SLC9A9: variants seen among roughly 807,000 people sequenced by gnomAD.
SLC9A9 encodes sodium/hydrogen exchanger 9.
SLC9A9 carries 62 observed loss-of-function variants against 77.8 expected under a neutral mutation model. The ratio of observed to expected loss-of-function variants is 0.80; its 90% CI spans 0.65 to 0.98. The LOEUF (loss-of-function observed/expected upper bound fraction) is 0.98, where lower values mean the gene tolerates loss of function less well. Ranked by LOEUF, SLC9A9 falls within the 50% of genes least tolerant of loss-of-function variation. The probability of loss-of-function intolerance (pLI) is 0.00; values close to 1 mark genes in which losing one functional copy is unlikely to be tolerated. For missense variants in SLC9A9, 775 were observed against 774.9 expected (o/e 1.00, Z 0.00); for synonymous variants, 320 against 283.5 (o/e 1.13, Z -1.29).
intron 12 of SLC9A9, among the ~76,000 whole-genome samples, chr3:143,452,415 C>A (rs2035022708): frequency 1.4e-5 from 2 of 147,440 alleles, no homozygotes; most frequent in African/African-American, 2.5e-5. Context: ...GGAAAAAAAG[C>A]AAGTCCAGGG....
rs187313007 is a variant in SLC9A9, at chr3:143,525,182, A to G, written c.1089+27180T>C. ...CAAAGGAGGATGAAGTTAATTTAAGAACTAGTTCTTATCTTTTTTAGACTT... is the reference window on the plus strand; with the variant it reads ...CAAAGGAGGATGAAGTTAATTTAAGGACTAGTTCTTATCTTTTTTAGACTT... On this transcript the variant is annotated intron_variant, in intron 9 of 15. Transcript: ENST00000316549. Among the ~76,000 whole-genome samples, 248 of 152,312 alleles carry G rather than the reference A, an allele frequency of 1.6e-3. 1 individual carries two copies. The highest frequency in any genetic ancestry group is 6.2e-3 in the South Asian group (30 of 4,822).
At chr3:143,677,454 G>T (rs1179308683) in intron 5 of SLC9A9, among the ~76,000 whole-genome samples, 3 of 151,978 alleles carry the variant, frequency 2.0e-5, no homozygotes, top group Non-Finnish European at 4.4e-5. Context: ...TAAAAATGTT[G>T]CAGTACACAT....
chr3:143,316,684 T>C (rs147604291), intron 14 of SLC9A9, among the ~76,000 whole-genome samples: 27 of 152,290 alleles, frequency 1.8e-4, no homozygotes, highest in African/African-American at 6.3e-4. Flanking sequence ...TCTGACCTTC[T>C]GACATGGTCC....
In SLC9A9 at chr3:143,728,671, G is replaced by A. The variant is rs116279887; in HGVS notation, c.534-35364C>T. Among the ~76,000 whole-genome samples the A allele has an allele frequency of 7.2e-3, 1,099 of 152,216 alleles. 20 individuals are homozygous for A. Among genetic ancestry groups the A allele is most frequent in the African/African-American group, 0.025 (1,038 of 41,506 alleles). ...AGAGGCCACGAAGGAGACCATTGCC[G>A]TATTCCAAGAGAAGAATGACAGTGT... On this transcript the variant is annotated intron_variant, in intron 4 of 15. Coordinates refer to ENST00000316549, the MANE Select transcript of SLC9A9 (RefSeq NM_173653.4).
intron 1 of SLC9A9, among the ~76,000 whole-genome samples, chr3:143,834,360 T>C (rs1233516235): frequency 6.6e-6 from 1 of 152,144 alleles, no homozygotes; most frequent in Non-Finnish European, 1.5e-5. Context: ...CTACGTGGCT[T>C]AGGGTGCTTG....
intron 9 of SLC9A9, among the ~76,000 whole-genome samples, chr3:143,507,977 C>T (rs1267894518): frequency 6.6e-6 from 1 of 152,192 alleles, no homozygotes; most frequent in African/African-American, 2.4e-5. Context: ...ACCTAATTAT[C>T]TCCCAAAGGC....
chr3:143,401,685 T>C (rs1204800314), intron 12 of SLC9A9, among the ~76,000 whole-genome samples: 8 of 152,168 alleles, frequency 5.3e-5, no homozygotes, highest in Non-Finnish European at 1.5e-5. Flanking sequence ...ACATAGACTG[T>C]TCCTATTCCT....
At chr3:143,474,494 AG>A (rs1380410515) in intron 11 of SLC9A9, among the ~76,000 whole-genome samples, 1 of 152,052 alleles carries the variant, frequency 6.6e-6, no homozygotes, top group Non-Finnish European at 1.5e-5. Context: ...ATAGCACGGC[AG>A]GTGCTGAATG....
At chr3:143,819,107 A>G (rs2009103310) in intron 2 of SLC9A9, among the ~76,000 whole-genome samples, 1 of 152,204 alleles carries the variant, frequency 6.6e-6, no homozygotes. Flanking sequence ...TCACTGAAAT[A>G]TATACATTTT....
At chr3:143,731,732 T>G (rs1004142127) in intron 4 of SLC9A9, among the ~76,000 whole-genome samples, 1 of 152,220 alleles carries the variant, frequency 6.6e-6, no homozygotes, top group African/African-American at 2.4e-5. Context: ...TTTGAATGTC[T>G]AAGGTGCAGT....
At chr3:143,600,570 A>G (rs1331088045) in intron 6 of SLC9A9, among the ~76,000 whole-genome samples, 1 of 152,208 alleles carries the variant, frequency 6.6e-6, no homozygotes, top group African/African-American at 2.4e-5. Context: ...ATTTCTAAAT[A>G]TCAATGATCT....
chr3:143,330,607 G>GA (rs548854627), intron 14 of SLC9A9, among the ~76,000 whole-genome samples: 3 of 152,194 alleles, frequency 2.0e-5, no homozygotes, highest in Non-Finnish European at 4.4e-5. Context: ...ACTGTTTCCT[G>GA]AAAATCATAA....
chr3:143,714,384 T>TA (rs2108798536), intron 4 of SLC9A9, among the ~76,000 whole-genome samples: 1 of 152,314 alleles, frequency 6.6e-6, no homozygotes, highest in African/African-American at 2.4e-5. Context: ...GACACATCCC[T>TA]ACCTCCTCAC....
At chr3:143,333,271 A>T (rs770947048) in intron 14 of SLC9A9, among the ~76,000 whole-genome samples, 7 of 132,474 alleles carry the variant, frequency 5.3e-5, no homozygotes, top group Non-Finnish European at 7.9e-5. Context: ...ATGTTGGCTC[A>T]CTTTAAATAT....
chr3:143,366,551 A>T (rs1189234765), intron 13 of SLC9A9, among the ~76,000 whole-genome samples: 1 of 152,212 alleles, frequency 6.6e-6, no homozygotes, highest in African/African-American at 2.4e-5. Flanking sequence ...GAATTGAGGA[A>T]ATTGGACTGG....
At chr3:143,628,383 C>A (rs2038366092) in intron 6 of SLC9A9, among the ~76,000 whole-genome samples, 1 of 152,144 alleles carries the variant, frequency 6.6e-6, no homozygotes, top group Non-Finnish European at 1.5e-5. Context: ...TACACTTGGG[C>A]AAAATCGTCT....
intron 14 of SLC9A9, among the ~76,000 whole-genome samples, chr3:143,278,980 A>G (rs1239250543): frequency 7.5e-6 from 1 of 133,802 alleles, no homozygotes; most frequent in Non-Finnish European, 1.5e-5. Flanking sequence ...GTGGCCTCAT[A>G]CAGGAGAAGA....
chr3:143,844,766 T>A (rs1334548523), intron 1 of SLC9A9, among the ~76,000 whole-genome samples: 2 of 148,386 alleles, frequency 1.3e-5, no homozygotes, highest in African/African-American at 2.5e-5. Context: ...TCTTTCTTTC[T>A]TTCTTTCTTT....
intron 9 of SLC9A9, chr3:143,517,866 T>A (rs2036230564): frequency 6.3e-7 from 1 of 1,577,434 alleles, no homozygotes; most frequent in African/African-American, 1.3e-5. Flanking sequence ...AGGGCTTCAA[T>A]AGCAGCCACT....
Sources: gnomAD v4.1 joint callset for allele counts (sites outside exome capture counted in the v4.1 genomes callset) on GRCh38, gnomAD v4.1.1 for gene constraint, MANE v1.5 for transcripts, NCBI Gene and HGNC (gene_info 2026-07-23, HGNC 2026-07-21) for gene names.